Variants in MAX observed in about 807,000 individuals in gnomAD.
MAX encodes protein max.
MAX carries 3 observed loss-of-function variants against 22.3 expected under a neutral mutation model. That is an observed-to-expected ratio of 0.13 (90% CI 0.06 to 0.35). The LOEUF is 0.35. Among genes scored for constraint, MAX ranks in the 10% least tolerant of loss-of-function variants. MAX has a pLI of 1.00. For synonymous variants in MAX, 72 were observed against 77.7 expected, an observed-to-expected ratio of 0.93 and a Z score of 0.39; for missense variants, 119 against 209.4, an observed-to-expected ratio of 0.57 and a Z score of 2.66.
In MAX at chr14:65,027,341, C is replaced by A. The variant is rs1034096026; in HGVS notation, c.172-21057G>T. The A allele has an allele frequency of 2.0e-6, 3 of 1,525,376 alleles. No homozygotes were observed. Among genetic ancestry groups the A allele is most frequent in the Middle Eastern group, 1.9e-4 (1 of 5,346 alleles). 94.5% of individuals were successfully genotyped at this position (1,525,376 alleles called of 1,614,324 possible). A position where few individuals can be genotyped will look rare whatever the true frequency, so the allele number is the denominator to read the frequency against. On this transcript the variant is annotated intron_variant, in intron 3 of 3. Transcript: ENST00000341653. This position sits in a 1 kb window ranked among gnomAD's most constrained non-coding sequence, Gnocchi z 5.7. Reference sequence around the variant, plus strand: ...AACAAGTGGGAGGAGAGGTTCCCCTCAACTTTTGAGGGAGTGGGGGATCAT... The same window carrying A: ...AACAAGTGGGAGGAGAGGTTCCCCTAAACTTTTGAGGGAGTGGGGGATCAT...
Position 65,076,941 on chromosome 14 carries a change from C to T in MAX, c.296-278G>A, listed in dbSNP as rs984064702. On this transcript the variant is annotated intron_variant, in intron 4 of 4. Coordinates refer to ENST00000358664, the MANE Select transcript of MAX (RefSeq NM_002382.5). The surrounding 1 kb of genome is among the most constrained non-coding windows in gnomAD (Gnocchi z 6.6). ...TGTCACCGTCCTGCCGTGGAAGCCC[C>T]GTGGAGAGACTGGAGCGTGAGCTCC... 19 of 572,924 alleles carry T rather than the reference C, an allele frequency of 3.3e-5. No individual in the cohort carries two copies. The highest frequency in any genetic ancestry group is 1.5e-4 in the East Asian group (5 of 33,096). 35.5% of individuals were successfully genotyped at this position (572,924 alleles called of 1,614,324 possible).
chr14:65,016,324 C>T (rs1352949306), intron 3 of MAX, among the ~76,000 whole-genome samples: 1 of 152,204 alleles, frequency 6.6e-6, no homozygotes, highest in African/African-American at 2.4e-5. Flanking sequence ...TTCCCAGACA[C>T]TCATCACCAT....
rs2063573172 is a variant in MAX, at chr14:65,093,474, A to G, written c.171+234T>C. On this transcript the variant is annotated intron_variant, in intron 3 of 4. Coordinates refer to ENST00000358664, the MANE Select transcript of MAX (RefSeq NM_002382.5). The surrounding 1 kb of genome is among the most constrained non-coding windows in gnomAD (Gnocchi z 4.4). ...TTACAAATAATACAAATTTTAAAAG[A>G]TAACTCCTACCATTATCTCACAAAT... 3 of 546,788 alleles carry G rather than the reference A, an allele frequency of 5.5e-6. No individual in the cohort carries two copies. The highest frequency in any genetic ancestry group is 1.9e-5 in the African/African-American group (1 of 52,720). The allele number at this position is 546,788 out of a possible 1,614,324, so 33.9% of individuals were successfully genotyped here. A position where few individuals can be genotyped will look rare whatever the true frequency, so the allele number is the denominator to read the frequency against.
chr14:65,015,346 AC>A (rs2061750540), intron 3 of MAX, among the ~76,000 whole-genome samples: 1 of 133,102 alleles, frequency 7.5e-6, no homozygotes, highest in Admixed American at 7.7e-5. Flanking sequence ...TAAATGATCC[AC>A]CCACCTTGGC....
rs1409317541 is a variant in MAX at position 65,023,682 on chromosome 14, T to C, written c.172-17398A>G. Among the ~76,000 whole-genome samples the C allele has an allele frequency of 6.6e-6, 1 of 152,222 alleles. No homozygotes were observed. The highest frequency in any genetic ancestry group is 1.5e-5 in the Non-Finnish European group (1 of 68,036). Reference sequence around the variant, plus strand: ...GAGCTGAATTTTCTATTTTAATTAATTGAGAATTTAAATTGCCTCATGTGG... The same window carrying C: ...GAGCTGAATTTTCTATTTTAATTAACTGAGAATTTAAATTGCCTCATGTGG... On this transcript the variant is annotated intron_variant, in intron 3 of 3. Coordinates refer to the MAX transcript ENST00000341653. This position sits in a 1 kb window ranked among gnomAD's most constrained non-coding sequence, Gnocchi z 4.1.
At chr14:65,094,597 C>T (rs1020260361) in intron 2 of MAX, among the ~76,000 whole-genome samples, 23 of 152,226 alleles carry the variant, frequency 1.5e-4, no homozygotes, top group African/African-American at 5.3e-4. Flanking sequence ...GGCTAACTGG[C>T]AGTATCTAAA....
downstream of MAX, chr14:65,075,073 G>T: frequency 2.0e-6 from 2 of 1,011,572 alleles, no homozygotes; most frequent in Non-Finnish European, 2.4e-6. The surrounding 1 kb of genome is among the most constrained non-coding windows in gnomAD (Gnocchi z 4.1). Flanking sequence ...TTCCAGAGGG[G>T]TCTCTCATCA....
rs189218275 is a variant in MAX, at chr14:65,094,211, C to T, written c.64-396G>A. 5.6e-5 allele frequency: 17 copies of T among 302,430 alleles called. No homozygotes were observed. In the Admixed American group the frequency reaches 5.7e-4, roughly 10 times the overall value. 18.7% of individuals were successfully genotyped at this position (302,430 alleles called of 1,614,324 possible). A position where few individuals can be genotyped will look rare whatever the true frequency, so the allele number is the denominator to read the frequency against. On this transcript the variant is annotated intron_variant, in intron 2 of 4. Coordinates refer to ENST00000358664, the MANE Select transcript of MAX (RefSeq NM_002382.5). ...GTGGCCCCTTCTTAAGATGTGATCA[C>T]CTCCACTGTAAGAGATTCCCCAGAT...
In MAX at chr14:65,060,908, G is replaced by A. The variant is rs1243797794; in HGVS notation, c.171+32800C>T. ...AAAAAAAAAAAAACAGTTTGAGATA[G>A]TATTGTACATACTGTTTTCTCACAT... On this transcript the variant is annotated intron_variant, in intron 3 of 3. Transcript: ENST00000341653. Among the ~76,000 whole-genome samples the A allele has an allele frequency of 2.7e-5, 4 of 145,682 alleles. No individual in the cohort carries two copies. The East Asian group carries it at 8.0e-4, about 29-fold the overall frequency.
rs1379246303 is a variant in MAX, at chr14:65,044,720, T to G, written c.172-38436A>C. 1 of 452,524 alleles carries G rather than the reference T, an allele frequency of 2.2e-6. No homozygotes were observed. The allele number at this position is 452,524 out of a possible 1,614,324, so 28.0% of individuals were successfully genotyped here. ...GGAGCGGGGAGGAAGTGGGCGCTGCTTCTGCGTTATCTGGAAGGAGCAGCC... is the reference window on the plus strand; with the variant it reads ...GGAGCGGGGAGGAAGTGGGCGCTGCGTCTGCGTTATCTGGAAGGAGCAGCC... On this transcript the variant is annotated intron_variant, in intron 3 of 3. Transcript: ENST00000341653. The surrounding 1 kb of genome is among the most constrained non-coding windows in gnomAD (Gnocchi z 5.5).
chr14:65,091,659 C>G lies in MAX; in HGVS notation c.171+2049G>C, dbSNP rs145234169. 3.2e-3 allele frequency among the ~76,000 whole-genome samples: 485 copies of G among 152,354 alleles called. 5 individuals carry two copies. The highest frequency in any genetic ancestry group is 0.011 in the African/African-American group (456 of 41,586). ...TCTGCCTGGAATGCTCATTACCAGA[C>G]AGATGCACTACTCTTTGCTTCACTT... On this transcript the variant is annotated intron_variant, in intron 3 of 4. Coordinates refer to ENST00000358664, the MANE Select transcript of MAX (RefSeq NM_002382.5).
chr14:65,093,774 A>T lies in MAX; in HGVS notation c.105T>A (p.Arg35=). Residue 35 remains arginine, a synonymous_variant, in exon 3 of 5, where the codon CGT becomes CGA. Transcript: ENST00000358664. The surrounding 1 kb of genome is among the most constrained non-coding windows in gnomAD (Gnocchi z 4.4). ...RAHHNALERK[R]RDHIKDSFHS... is the part of the protein sequence containing the mutation. ...GAAAGCTGTCTTTGATGTGGTCCCTACGTTTTCGTTCCAGTGCATTATGAT... is the reference window on the plus strand; with the variant it reads ...GAAAGCTGTCTTTGATGTGGTCCCTTCGTTTTCGTTCCAGTGCATTATGAT... The T allele has an allele frequency of 6.2e-7, 1 of 1,611,886 alleles. No homozygotes were observed. Among genetic ancestry groups the T allele is most frequent in the South Asian group, 1.1e-5 (1 of 91,042 alleles).
At position 65,030,337 on chromosome 14, in the gene MAX, T is replaced by G. The variant is rs533417282; in HGVS notation, c.172-24053A>C. Among the ~76,000 whole-genome samples the G allele has an allele frequency of 1.7e-4, 26 of 152,344 alleles. No individual in the cohort carries two copies. Among genetic ancestry groups the G allele is most frequent in the African/African-American group, 4.8e-4 (20 of 41,586 alleles). On this transcript the variant is annotated intron_variant, in intron 3 of 3. Transcript: ENST00000341653. This position sits in a 1 kb window ranked among gnomAD's most constrained non-coding sequence, Gnocchi z 4.5. The stretch of plus-strand genomic sequence containing the variant: ...GGTGGAACTAAACTTCCACTGTGCC[T>G]TTGGCTGCTAAAAATGCTGGTAGGA...
At chr14:65,060,993 G>C (rs1157671978) in intron 3 of MAX, among the ~76,000 whole-genome samples, 1 of 151,544 alleles carries the variant, frequency 6.6e-6, no homozygotes, top group Non-Finnish European at 1.5e-5. Context: ...TATAATGGCT[G>C]TATATTAACC....
At chr14:65,055,383 A>C (rs1248428473) in intron 3 of MAX, among the ~76,000 whole-genome samples, 2 of 152,202 alleles carry the variant, frequency 1.3e-5, no homozygotes, top group Non-Finnish European at 2.9e-5. Context: ...TTTTGTGTGC[A>C]GTTCCCTACT....
chr14:65,024,103 T>TA (rs557949276), intron 3 of MAX, among the ~76,000 whole-genome samples: 13,708 of 129,616 alleles, frequency 0.11, 822 homozygotes, highest in Admixed American at 0.18. Context: ...CTCCATCTCC[T>TA]AAAAAAAAAA....
intron 3 of MAX, among the ~76,000 whole-genome samples, chr14:65,092,668 TC>T (rs1466118235): frequency 6.6e-6 from 1 of 152,178 alleles, no homozygotes; most frequent in Non-Finnish European, 1.5e-5. Context: ...GGTCAGAACT[TC>T]TCCATGTTTA....
intron 2 of MAX, among the ~76,000 whole-genome samples, chr14:65,097,475 G>A (rs2063704739): frequency 6.6e-6 from 1 of 152,196 alleles, no homozygotes; most frequent in African/African-American, 2.4e-5. Context: ...CCAGAACAAT[G>A]CCATGTCTTA....
At chr14:65,059,837 CTTT>C (rs34459085) in intron 3 of MAX, among the ~76,000 whole-genome samples, 2 of 134,222 alleles carry the variant, frequency 1.5e-5, no homozygotes, top group Non-Finnish European at 3.2e-5. Context: ...GTCCTTTTTT[CTTT>C]TTTTTTTTTT....
Sources: gnomAD v4.1 joint callset for allele counts (sites outside exome capture counted in the v4.1 genomes callset) on GRCh38, gnomAD v4.1.1 for gene constraint, Gnocchi (gnomAD v3.1) non-coding constraint, MANE v1.5 for transcripts, NCBI Gene and HGNC (gene_info 2026-07-23, HGNC 2026-07-21) for gene names.